Variants in COG3 observed in about 807,000 individuals in gnomAD.
The protein encoded by COG3 is conserved oligomeric Golgi complex subunit 3.
Under a neutral mutation model 114.1 loss-of-function variants are expected in COG3, and 32 were observed. That is an observed-to-expected ratio of 0.28 (90% CI 0.21 to 0.38). COG3 has a LOEUF of 0.38. COG3 is among the 10% of genes least tolerant of loss of function. The probability of loss-of-function intolerance (pLI) is 1.00; values close to 1 mark genes in which losing one functional copy is unlikely to be tolerated. For missense variants in COG3, 813 were observed against 973.2 expected, an observed-to-expected ratio of 0.84 and a Z score of 2.19; for synonymous variants, 352 against 365.7, an observed-to-expected ratio of 0.96 and a Z score of 0.43.
intron 13 of COG3, 152 bp downstream of exon 13, chr13:45,496,464 C>A (rs1868790338): frequency 4.3e-6 from 2 of 463,240 alleles, no homozygotes; most frequent in Admixed American, 9.3e-5. Context: ...AAGTGATCCA[C>A]CTGCCTCGGC....
chr13:45,516,294 G>A (rs1871530298), intron 17 of COG3, 31 bp downstream of exon 17: 5 of 1,548,716 alleles, frequency 3.2e-6, no homozygotes, highest in Admixed American at 1.8e-5. Flanking sequence ...GCACACTTGG[G>A]TGTGTTTGAT....
At chr13:45,533,444 G>C (rs1346007197) in intron 22 of COG3, among the ~76,000 whole-genome samples, 3 of 151,766 alleles carry the variant, frequency 2.0e-5, no homozygotes, top group African/African-American at 7.3e-5. Flanking sequence ...TCCCTTCCCT[G>C]TCCCTGAAGC....
chr13:45,533,587 A>G (rs1873351925), intron 22 of COG3, among the ~76,000 whole-genome samples: 1 of 152,182 alleles, frequency 6.6e-6, no homozygotes, highest in Admixed American at 6.5e-5. Context: ...AGGAAACTTA[A>G]CATTGATACT....
At position 45,512,050 on chromosome 13, in the gene COG3, A is replaced by G. The variant is rs143043539; in HGVS notation, c.1809+196A>G. On this transcript the variant is annotated intron_variant, in intron 16 of 22. Coordinates refer to ENST00000349995, the MANE Select transcript of COG3 (RefSeq NM_031431.4). Reference sequence around the variant, plus strand: ...AGACTGTACTATATAAGAGAGTCCAACTTTGCTAAAGTACCAAAAGTGGTA... The same window carrying G: ...AGACTGTACTATATAAGAGAGTCCAGCTTTGCTAAAGTACCAAAAGTGGTA... 5.0e-4 allele frequency: 246 copies of G among 494,852 alleles called. 3 individuals carry two copies. The highest frequency in any genetic ancestry group is 3.9e-3 in the East Asian group (119 of 30,586). 30.7% of individuals were successfully genotyped at this position (494,852 alleles called of 1,614,324 possible). A position where few individuals can be genotyped will look rare whatever the true frequency, so the allele number is the denominator to read the frequency against.
rs148102201 is a variant in COG3, at chr13:45,509,747, T to G, written c.1650T>G (p.Leu550=). The G allele has an allele frequency of 4.3e-6, 7 of 1,614,124 alleles. No homozygotes were observed. The African/African-American group carries it at 8.0e-5, about 18-fold the overall frequency. The change falls in exon 15 of 23, where the codon CTT becomes CTG. Residue 550 remains leucine, a synonymous_variant. Transcript: ENST00000349995. The part of the protein sequence containing the change: ...RPQTTISPAD[L]HGMWYPTVRR... ...AGACCACAATTTCTCCAGCAGATCT[T>G]CATGGAATGTGGTATCCTACGGTTC...
At chr13:45,467,880 C>T (rs1020098641) in intron 1 of COG3, among the ~76,000 whole-genome samples, 1 of 152,154 alleles carries the variant, frequency 6.6e-6, no homozygotes, top group Non-Finnish European at 1.5e-5. Context: ...ACAACTGGAA[C>T]TGAGCAGGCT....
At chr13:45,521,175 G>A (rs1872093905) in intron 19 of COG3, among the ~76,000 whole-genome samples, 1 of 152,010 alleles carries the variant, frequency 6.6e-6, no homozygotes, top group South Asian at 2.1e-4. Flanking sequence ...TTTTGAAAAA[G>A]GAAATAGAGG....
At chr13:45,477,659 A>C (rs1593679880) in intron 2 of COG3, among the ~76,000 whole-genome samples, 2 of 146,510 alleles carry the variant, frequency 1.4e-5, no homozygotes, top group African/African-American at 2.6e-5. Context: ...ATGGAGTCTC[A>C]CTCTGTTGCC....
At chr13:45,491,005 G>T (rs767775164) in intron 9 of COG3, 47 bp downstream of exon 9, 7 of 1,266,304 alleles carry the variant, frequency 5.5e-6, no homozygotes, top group Non-Finnish European at 6.8e-6. Flanking sequence ...CCTTTGTCTT[G>T]TAGTACTGTT....
At chr13:45,514,200 A>G (rs1244931283) in intron 16 of COG3, among the ~76,000 whole-genome samples, 6 of 110,786 alleles carry the variant, frequency 5.4e-5, no homozygotes, top group Non-Finnish European at 5.0e-5. Context: ...TCACTCTGTC[A>G]CCCACGCTGG....
At chr13:45,509,580 C>T in intron 14 of COG3, 112 bp from the exon 15 acceptor site, 1 of 1,372,796 alleles carries the variant, frequency 7.3e-7, no homozygotes, top group Non-Finnish European at 9.9e-7. Context: ...AATTGGTGCC[C>T]TCTAGCTACT....
At chr13:45,486,318 C>A (rs561437955) in intron 7 of COG3, among the ~76,000 whole-genome samples, 177 bp from the exon 8 acceptor site, 1 of 36,932 alleles carries the variant, frequency 2.7e-5, no homozygotes, top group South Asian at 1.4e-3. Context: ...AGACGGGAGA[C>A]GGGAGACGGG....
At chr13:45,492,644 T>C (rs1478496283) in intron 11 of COG3, among the ~76,000 whole-genome samples, 1 of 152,188 alleles carries the variant, frequency 6.6e-6, no homozygotes, top group East Asian at 1.9e-4. Flanking sequence ...TTCTTTATTT[T>C]TCTCAAAATG....
At chr13:45,521,562 C>CA (rs1872135006) in intron 19 of COG3, among the ~76,000 whole-genome samples, 1 of 147,432 alleles carries the variant, frequency 6.8e-6, no homozygotes, top group Non-Finnish European at 1.5e-5. Flanking sequence ...GAGTCAGAGA[C>CA]AAAGATACAT....
At chr13:45,469,102 A>G (rs1885319731) in intron 1 of COG3, among the ~76,000 whole-genome samples, 1 of 152,240 alleles carries the variant, frequency 6.6e-6, no homozygotes. Context: ...ATGGTTTTGT[A>G]TTAGAACAAG....
chr13:45,475,334 C>T (rs566860232), intron 1 of COG3, among the ~76,000 whole-genome samples: 1 of 152,150 alleles, frequency 6.6e-6, no homozygotes, highest in East Asian at 1.9e-4. Context: ...AGTTGCTGGA[C>T]CACAGATGTG....
chr13:45,525,762 T>C (rs534815686), intron 20 of COG3, among the ~76,000 whole-genome samples: 3 of 142,062 alleles, frequency 2.1e-5, no homozygotes, highest in African/African-American at 5.3e-5. Context: ...TTTTGTTAAA[T>C]TGATATTTCT....
chr13:45,490,832 G>A, intron 8 of COG3, 83 bp from the exon 9 acceptor site: 1 of 673,610 alleles, frequency 1.5e-6, no homozygotes, highest in Non-Finnish European at 2.4e-6. Flanking sequence ...TTCTGAATAT[G>A]TGATACAATT....
intron 17 of COG3, among the ~76,000 whole-genome samples, chr13:45,518,463 T>C (rs1326010939): frequency 6.6e-6 from 1 of 152,248 alleles, no homozygotes; most frequent in Non-Finnish European, 1.5e-5. Flanking sequence ...ACCTATTTAA[T>C]ATCCTAAAAG....
Sources: gnomAD v4.1 joint callset for allele counts (sites outside exome capture counted in the v4.1 genomes callset) on GRCh38, gnomAD v4.1.1 for gene constraint, MANE v1.5 for transcripts, NCBI Gene and HGNC (gene_info 2026-07-23, HGNC 2026-07-21) for gene names.